Variants in RASGRP3 observed in about 807,000 individuals in gnomAD.
RASGRP3 encodes ras guanyl-releasing protein 3.
Under a neutral mutation model 82.7 loss-of-function variants are expected in RASGRP3, and 54 were observed. The ratio of observed to expected loss-of-function variants is 0.65; its 90% CI spans 0.52 to 0.82. RASGRP3 has a LOEUF of 0.82. Among genes scored for constraint, RASGRP3 ranks in the 40% least tolerant of loss-of-function variants. The probability of loss-of-function intolerance (pLI) is 0.00; values close to 1 mark genes in which losing one functional copy is unlikely to be tolerated. For missense variants in RASGRP3, 861 were observed against 828.9 expected, an observed-to-expected ratio of 1.04 and a Z score of -0.48; for synonymous variants, 309 against 300.5, an observed-to-expected ratio of 1.03 and a Z score of -0.29.
intron 2 of RASGRP3, among the ~76,000 whole-genome samples, chr2:33,461,501 C>T (rs1323434664): frequency 6.6e-6 from 1 of 152,342 alleles, no homozygotes; most frequent in East Asian, 1.9e-4. Context: ...TGGTCTTGAA[C>T]TCCCAAGCTC....
chr2:33,473,073 G>A (rs1251236036), upstream of RASGRP3, among the ~76,000 whole-genome samples: 2 of 149,766 alleles, frequency 1.3e-5, 1 homozygote, highest in African/African-American at 4.9e-5. Flanking sequence ...AATTAAAAGA[G>A]CAAGTCTGGC....
chr2:33,537,553 G>T (rs1249959884), intron 11 of RASGRP3, among the ~76,000 whole-genome samples: 1 of 151,852 alleles, frequency 6.6e-6, no homozygotes, highest in Admixed American at 6.6e-5. Context: ...TAGACAGGGA[G>T]TTTCACCATG....
chr2:33,547,264 C>T (rs890504355), intron 13 of RASGRP3, among the ~76,000 whole-genome samples: 13 of 144,718 alleles, frequency 9.0e-5, no homozygotes, highest in African/African-American at 2.8e-4. Flanking sequence ...TGATGGCGGA[C>T]GTTTGGAGGA....
chr2:33,447,907 C>A (rs552389449), exon 2 of RASGRP3: 31 of 152,300 alleles, frequency 2.0e-4, no homozygotes, highest in African/African-American at 7.2e-4. Context: ...CTCTGATGAC[C>A]CATTTGGATT....
At chr2:33,503,433 C>G (rs1372608767) in intron 1 of RASGRP3, among the ~76,000 whole-genome samples, 2 of 152,110 alleles carry the variant, frequency 1.3e-5, no homozygotes, top group Non-Finnish European at 2.9e-5. Context: ...ATCGTTGGCT[C>G]TTGAGATTTG....
intron 1 of RASGRP3, among the ~76,000 whole-genome samples, chr2:33,445,873 G>A (rs1455651930): frequency 6.6e-6 from 1 of 152,142 alleles, no homozygotes; most frequent in East Asian, 1.9e-4. Flanking sequence ...TAGAGTCAGG[G>A]ACAAGCGTAA....
intron 1 of RASGRP3, among the ~76,000 whole-genome samples, chr2:33,439,819 C>G (rs1351730258): frequency 6.6e-6 from 1 of 151,912 alleles, no homozygotes; most frequent in Non-Finnish European, 1.5e-5. Context: ...TTTAAAGACA[C>G]CTGGGGCCGA....
intron 1 of RASGRP3, chr2:33,481,571 C>T (rs1302671396): frequency 6.6e-6 from 1 of 152,196 alleles, no homozygotes; most frequent in Non-Finnish European, 1.5e-5. Flanking sequence ...TTTGTATTCT[C>T]TTCAGATAGG....
rs377737862 is a variant in RASGRP3 at position 33,520,545 on chromosome 2, C to T, written c.237-8C>T. The T allele has an allele frequency of 2.0e-5, 33 of 1,612,648 alleles. No homozygotes were observed. Among genetic ancestry groups the T allele is most frequent in the Non-Finnish European group, 2.6e-5 (31 of 1,179,034 alleles). On this transcript the variant is annotated splice_polypyrimidine_tract_variant and splice_region_variant and intron_variant, in intron 5 of 17. Transcript: ENST00000403687. ...TTCCAGCTGCCAAAAATATTTGATGCCTTTCAGGTACTGGATTCTGAAGTT... is the reference window on the plus strand; with the variant it reads ...TTCCAGCTGCCAAAAATATTTGATGTCTTTCAGGTACTGGATTCTGAAGTT...
chr2:33,524,969 T>A (rs1363692939), intron 9 of RASGRP3, among the ~76,000 whole-genome samples: 1 of 151,034 alleles, frequency 6.6e-6, no homozygotes, highest in Non-Finnish European at 1.5e-5. Flanking sequence ...TAGTCCCAGT[T>A]ACTGGGGAGG....
intron 2 of RASGRP3, among the ~76,000 whole-genome samples, chr2:33,449,115 C>G (rs961461038): frequency 6.6e-6 from 1 of 152,146 alleles, no homozygotes; most frequent in Non-Finnish European, 1.5e-5. Flanking sequence ...TAGACAAAAG[C>G]CAAGTGCTGT....
intron 2 of RASGRP3, among the ~76,000 whole-genome samples, chr2:33,457,179 C>T (rs983031749): frequency 6.6e-6 from 1 of 152,046 alleles, no homozygotes; most frequent in African/African-American, 2.4e-5. Flanking sequence ...CCGCTAAGTG[C>T]TTTCTTCACG....
chr2:33,551,014 T>C (rs1282874615), intron 14 of RASGRP3, among the ~76,000 whole-genome samples: 1 of 152,124 alleles, frequency 6.6e-6, no homozygotes, highest in African/African-American at 2.4e-5. Context: ...GACCATTTTA[T>C]CATAAAACAA....
At chr2:33,522,888 G>A (rs947346267) in intron 7 of RASGRP3, among the ~76,000 whole-genome samples, 5 of 152,182 alleles carry the variant, frequency 3.3e-5, no homozygotes, top group African/African-American at 1.2e-4. Flanking sequence ...TACTTGGAGA[G>A]GACCTTAACA....
intron 1 of RASGRP3, among the ~76,000 whole-genome samples, chr2:33,507,628 C>T (rs919728082): frequency 3.3e-5 from 5 of 152,166 alleles, no homozygotes; most frequent in Admixed American, 6.5e-5. Context: ...CAGGTTCAGG[C>T]GATTCTCCTG....
rs1666951519 is a variant in RASGRP3 at position 33,469,813 on chromosome 2, G to A, written c.-261+21870G>A. Among the ~76,000 whole-genome samples, 3 of 152,138 alleles carry A rather than the reference G, an allele frequency of 2.0e-5. No homozygotes were observed. The South Asian group carries it at 6.2e-4, about 32-fold the overall frequency. On this transcript the variant is annotated intron_variant, in intron 2 of 18. Coordinates refer to the RASGRP3 transcript ENST00000402538. ...TCTAACATGCTTTTACTTTGTGTAT[G>A]GCATGAAGTAATGATTGCATCTTAA...
chr2:33,558,388 C>T, intron 16 of RASGRP3, 52 bp downstream of exon 16: 4 of 1,610,604 alleles, frequency 2.5e-6, no homozygotes, highest in South Asian at 1.1e-5. Context: ...CTTGCCTCCT[C>T]ACACTTGGAC....
chr2:33,441,179 A>G (rs1351073828), intron 1 of RASGRP3, among the ~76,000 whole-genome samples: 1 of 152,190 alleles, frequency 6.6e-6, no homozygotes, highest in South Asian at 2.1e-4. Context: ...GGCGTGAGCC[A>G]CGGCACCCAG....
intron 1 of RASGRP3, among the ~76,000 whole-genome samples, chr2:33,479,010 T>G (rs1667631441): frequency 6.6e-6 from 1 of 152,148 alleles, no homozygotes; most frequent in Admixed American, 6.5e-5. Flanking sequence ...TGACCATATG[T>G]AACACAGACA....
Sources: allele counts gnomAD v4.1 joint callset (sites outside exome capture counted in the v4.1 genomes callset), GRCh38; gene constraint gnomAD v4.1.1; transcripts MANE v1.5; gene names NCBI Gene and HGNC (gene_info 2026-07-23, HGNC 2026-07-21).